The following CAST variants were observed in gnomAD, a reference collection of about 807,000 sequenced individuals.
The protein encoded by CAST is MIR583 host.
CAST carries 76 observed loss-of-function variants against 119.6 expected under a neutral mutation model. That is an observed-to-expected ratio of 0.64 (90% CI 0.53 to 0.77). The LOEUF is 0.77. CAST is among the 30% of genes least tolerant of loss of function. CAST has a pLI of 0.00. For synonymous variants in CAST, 319 were observed against 331.6 expected (o/e 0.96, Z 0.41); for missense variants, 953 against 946.5 (o/e 1.01, Z -0.09).
At chr5:96,478,211 T>A in the CAST span, among the ~76,000 whole-genome samples, 1 of 152,204 alleles carries the variant, frequency 6.6e-6, no homozygotes, top group Non-Finnish European at 1.5e-5. Flanking sequence ...ATATTATCTA[T>A]CCTAAGAAAG....
the CAST span, among the ~76,000 whole-genome samples, chr5:96,206,561 A>G: frequency 4.6e-5 from 7 of 152,178 alleles, no homozygotes; most frequent in Admixed American, 4.6e-4. Flanking sequence ...TTAATAGGCA[A>G]TTCTTTCCCC....
chr5:96,770,728 C>T (rs1464539214), intron 30 of CAST, 126 bp downstream of exon 30: 13 of 621,442 alleles, frequency 2.1e-5, no homozygotes, highest in Non-Finnish European at 3.2e-5. Context: ...TACTATCTAT[C>T]CCATAGCATC....
chr5:96,641,476 T>C (rs1165227078), intron 1 of CAST, among the ~76,000 whole-genome samples: 1 of 152,166 alleles, frequency 6.6e-6, no homozygotes, highest in East Asian at 1.9e-4. Context: ...AGAATCGGGC[T>C]CTTTGCTGGG....
At chr5:96,404,548 G>A in the CAST span, among the ~76,000 whole-genome samples, 325 of 152,244 alleles carry the variant, frequency 2.1e-3, no homozygotes, top group African/African-American at 7.6e-3. Flanking sequence ...ATTTAACACA[G>A]CATATTGAGT....
chr5:95,993,780 A>G, the CAST span, among the ~76,000 whole-genome samples: 3 of 152,154 alleles, frequency 2.0e-5, no homozygotes, highest in African/African-American at 4.8e-5. Context: ...CTTACAACCA[A>G]TAATAAGAAA....
the CAST span, among the ~76,000 whole-genome samples, chr5:96,082,603 C>T: frequency 6.6e-6 from 1 of 152,100 alleles, no homozygotes; most frequent in African/African-American, 2.4e-5. Context: ...TTACTGCTTC[C>T]AAAATGAAAA....
At chr5:96,573,939 A>G (rs962374410) in intron 1 of CAST, among the ~76,000 whole-genome samples, 1 of 151,746 alleles carries the variant, frequency 6.6e-6, no homozygotes. Context: ...ATTTGTCTTC[A>G]GTATTTGATT....
chr5:96,566,438 C>T (rs371609910), intron 1 of CAST, among the ~76,000 whole-genome samples: 252 of 152,232 alleles, frequency 1.7e-3, no homozygotes, highest in African/African-American at 5.7e-3. Flanking sequence ...TCACTGATGA[C>T]GCAAAATTGA....
At chr5:96,143,902 C>A in the CAST span, among the ~76,000 whole-genome samples, 2 of 152,124 alleles carry the variant, frequency 1.3e-5, no homozygotes, top group East Asian at 3.9e-4. Context: ...TTATTAGTGT[C>A]TTTGTACTCA....
At chr5:96,272,205 T>C in the CAST span, among the ~76,000 whole-genome samples, 5 of 151,984 alleles carry the variant, frequency 3.3e-5, no homozygotes, top group African/African-American at 1.2e-4. Context: ...TCTATGGAGG[T>C]TCCTCAAAAA....
chr5:96,687,178 AC>A (rs1752181838), intron 2 of CAST, among the ~76,000 whole-genome samples: 1 of 152,168 alleles, frequency 6.6e-6, no homozygotes, highest in African/African-American at 2.4e-5. Flanking sequence ...ATCAGATCTC[AC>A]CTGGCGGATG....
At chr5:96,207,001 T>C in the CAST span, among the ~76,000 whole-genome samples, 1 of 152,124 alleles carries the variant, frequency 6.6e-6, no homozygotes, top group African/African-American at 2.4e-5. Flanking sequence ...TTTGTAGTTC[T>C]TGTAGAGATC....
chr5:96,308,652 T>A, the CAST span: 1 of 152,202 alleles, frequency 6.6e-6, no homozygotes, highest in African/African-American at 2.4e-5. Context: ...TTGGAAGTCC[T>A]TTTTGTTGAT....
chr5:96,676,588 C>T (rs1452529021), intron 2 of CAST, among the ~76,000 whole-genome samples: 3 of 151,848 alleles, frequency 2.0e-5, no homozygotes, highest in Non-Finnish European at 4.4e-5. Context: ...TGTTTCTTAC[C>T]AAGCAAGTTT....
chr5:96,383,569 C>T, the CAST span, among the ~76,000 whole-genome samples: 1 of 152,290 alleles, frequency 6.6e-6, no homozygotes, highest in African/African-American at 2.4e-5. Context: ...CCTCAGCCTC[C>T]CGAGTAGCTG....
chr5:96,011,575 T>G, the CAST span, among the ~76,000 whole-genome samples: 1 of 152,162 alleles, frequency 6.6e-6, no homozygotes, highest in Non-Finnish European at 1.5e-5. Context: ...TAATGTATTC[T>G]CCTATCCTTG....
chr5:96,691,631 C>T (rs187238916), intron 2 of CAST, among the ~76,000 whole-genome samples: 2 of 152,278 alleles, frequency 1.3e-5, no homozygotes, highest in East Asian at 3.9e-4. Flanking sequence ...GGTCACAGTC[C>T]TCAGGATATG....
chr5:96,719,905 C>T (rs1757924069), intron 3 of CAST, among the ~76,000 whole-genome samples: 1 of 152,200 alleles, frequency 6.6e-6, no homozygotes, highest in African/African-American at 2.4e-5. Context: ...CCAATCACCG[C>T]ATGACAGGTC....
chr5:96,313,803 G>A, the CAST span, among the ~76,000 whole-genome samples: 1 of 151,788 alleles, frequency 6.6e-6, no homozygotes, highest in Non-Finnish European at 1.5e-5. Context: ...TTAATTTTGA[G>A]CCATTCCAAT....
Sources: allele counts gnomAD v4.1 joint callset (sites outside exome capture counted in the v4.1 genomes callset), GRCh38; gene constraint gnomAD v4.1.1; transcripts MANE v1.5; gene names NCBI Gene and HGNC (gene_info 2026-07-23, HGNC 2026-07-21).